Variants in MTSS1 observed in about 807,000 individuals in gnomAD.
MTSS1 encodes the protein protein MTSS 1.
Under a neutral mutation model 79.0 loss-of-function variants are expected in MTSS1, and 18 were observed. The ratio of observed to expected loss-of-function variants is 0.23; its 90% confidence interval spans 0.16 to 0.34. The LOEUF (loss-of-function observed/expected upper bound fraction) is 0.34, where lower values mean the gene tolerates loss of function less well. Among genes scored for constraint, MTSS1 ranks in the 10% least tolerant of loss-of-function variants. The probability of loss-of-function intolerance (pLI) is 1.00; values close to 1 mark genes in which losing one functional copy is unlikely to be tolerated. For synonymous variants in MTSS1, 341 were observed against 368.6 expected (o/e 0.93, Z 0.86); for missense variants, 815 against 986.2 (o/e 0.83, Z 2.33).
intron 3 of MTSS1, among the ~76,000 whole-genome samples, chr8:124,687,401 T>C (rs922547890): frequency 1.3e-5 from 2 of 152,144 alleles, no homozygotes; most frequent in Non-Finnish European, 2.9e-5. Context: ...TAAATCGTAT[T>C]ATCCAAATGA....
chr8:124,585,429 T>C (rs897183615), intron 5 of MTSS1, among the ~76,000 whole-genome samples: 3 of 152,114 alleles, frequency 2.0e-5, no homozygotes, highest in Admixed American at 6.5e-5. Flanking sequence ...CTTTTTTTTT[T>C]TTTAAGACAG....
intron 3 of MTSS1, among the ~76,000 whole-genome samples, chr8:124,592,613 A>G (rs192407930): frequency 3.9e-5 from 6 of 152,346 alleles, no homozygotes; most frequent in Admixed American, 3.3e-4. Context: ...TTGCAAAACC[A>G]TCAAGTTTCT....
At chr8:124,665,816 G>A (rs1822955878) in intron 3 of MTSS1, among the ~76,000 whole-genome samples, 1 of 149,332 alleles carries the variant, frequency 6.7e-6, no homozygotes, top group Non-Finnish European at 1.5e-5. Context: ...GTGGTGAGCT[G>A]AGATTGTGCC....
intron 3 of MTSS1, among the ~76,000 whole-genome samples, chr8:124,652,919 C>G (rs1324810837): frequency 6.6e-6 from 1 of 152,192 alleles, no homozygotes; most frequent in East Asian, 1.9e-4. Context: ...TATCATCAAC[C>G]CGTGAAAGGT....
intron 3 of MTSS1, among the ~76,000 whole-genome samples, chr8:124,640,733 G>T (rs1206889350): frequency 6.6e-6 from 1 of 151,924 alleles, no homozygotes; most frequent in Non-Finnish European, 1.5e-5. Context: ...TAGTAGAGAT[G>T]GGGTTTCACC....
In MTSS1 at chr8:124,714,455, GTTGTTT is replaced by G. The variant is rs549638389; in HGVS notation, c.73-10270_73-10265del. On this transcript the variant is annotated intron_variant, in intron 1 of 13. Coordinates refer to ENST00000518547, the MANE Select transcript of MTSS1 (RefSeq NM_014751.6). ...GGTTAATTGCTCCTGAGTTTGCTCA[GTTGTTT>G]TTGTTTTTGTTTTTGTTTTGAGATG... is the stretch of plus-strand genomic sequence containing the variant. Among the ~76,000 whole-genome samples, 6 of 152,090 alleles carry G rather than the reference GTTGTTT, an allele frequency of 3.9e-5. No homozygotes were observed. The East Asian group carries it at 9.7e-4, about 25-fold the overall frequency.
At chr8:124,634,160 G>T (rs767283012) in intron 3 of MTSS1, among the ~76,000 whole-genome samples, 32 of 151,106 alleles carry the variant, frequency 2.1e-4, no homozygotes, top group Admixed American at 7.9e-4. Flanking sequence ...CCAGCTGGAG[G>T]ACAGTGATGT....
chr8:124,699,225 C>T (rs1829344972), intron 3 of MTSS1: 2 of 308,692 alleles, frequency 6.5e-6, no homozygotes, highest in Non-Finnish European at 6.0e-6. Flanking sequence ...CAACCAAAGG[C>T]ACAGCTCAAG....
intron 1 of MTSS1, among the ~76,000 whole-genome samples, chr8:124,705,963 G>A (rs1261220539): frequency 1.3e-5 from 2 of 152,206 alleles, no homozygotes; most frequent in Non-Finnish European, 2.9e-5. Context: ...ATCACGCCCA[G>A]TCAAGAACCA....
chr8:124,633,783 A>G (rs1013181813), intron 3 of MTSS1, among the ~76,000 whole-genome samples: 3 of 151,740 alleles, frequency 2.0e-5, no homozygotes, highest in Non-Finnish European at 4.4e-5. Flanking sequence ...AAAAAAAAAA[A>G]ACCAACAACA....
intron 1 of MTSS1, among the ~76,000 whole-genome samples, chr8:124,704,512 C>G (rs1157197165): frequency 6.6e-6 from 1 of 152,164 alleles, no homozygotes; most frequent in Non-Finnish European, 1.5e-5. Context: ...CACCCTGAAC[C>G]ACTTGTTCAT....
rs1358983155 is a variant in MTSS1 at position 124,551,217 on chromosome 8, A to G, written c.*1775T>C. 1 of 152,656 alleles carries G rather than the reference A, an allele frequency of 6.6e-6. No homozygotes were observed. The highest frequency in any genetic ancestry group is 2.4e-5 in the African/African-American group (1 of 41,460). The allele number at this position is 152,656 out of a possible 1,614,324, so 9.5% of individuals were successfully genotyped here. The stretch of plus-strand genomic sequence containing the variant: ...AGCGATTTCTGCTTTTGCAAAAACC[A>G]TCTCAAGCATCATATGCACAATGCA... On this transcript the variant is annotated 3_prime_UTR_variant, in exon 14 of 14. Coordinates refer to ENST00000518547, the MANE Select transcript of MTSS1 (RefSeq NM_014751.6).
At position 124,686,199 on chromosome 8, in the gene MTSS1, G is replaced by T. The variant is rs188192186; in HGVS notation, c.208+13327C>A. On this transcript the variant is annotated intron_variant, in intron 3 of 13. Transcript: ENST00000518547. ...ACACAGCTGTGAGCAGGCAGAGGGG[G>T]CCTGCAGCCGCCTCCCCATCCAGCT... Among the ~76,000 whole-genome samples the T allele has an allele frequency of 1.6e-4, 25 of 152,300 alleles. No homozygotes were observed. The East Asian group carries it at 4.4e-3, about 27-fold the overall frequency.
chr8:124,627,647 C>T (rs1264582337), intron 3 of MTSS1, among the ~76,000 whole-genome samples: 1 of 152,174 alleles, frequency 6.6e-6, no homozygotes, highest in Non-Finnish European at 1.5e-5. Context: ...ATAGACTAAG[C>T]AGCCCTGGGA....
chr8:124,704,293 A>G, intron 1 of MTSS1, 102 bp from the exon 2 acceptor site: 2 of 1,012,196 alleles, frequency 2.0e-6, no homozygotes, highest in Non-Finnish European at 3.1e-6. Flanking sequence ...CAATCTGTGT[A>G]TGTTCTCTTC....
chr8:124,690,935 G>C (rs1023167855), intron 3 of MTSS1, among the ~76,000 whole-genome samples: 1 of 152,068 alleles, frequency 6.6e-6, no homozygotes, highest in Non-Finnish European at 1.5e-5. Flanking sequence ...TATAGTATGA[G>C]TTGTAAAAAT....
intron 3 of MTSS1, among the ~76,000 whole-genome samples, chr8:124,598,432 G>A (rs748845517): frequency 6.6e-6 from 1 of 152,142 alleles, no homozygotes; most frequent in East Asian, 1.9e-4. Flanking sequence ...TCCCCAGGGG[G>A]CAAACTCGTC....
chr8:124,572,679 C>A (rs953830001), intron 6 of MTSS1, among the ~76,000 whole-genome samples: 5 of 152,048 alleles, frequency 3.3e-5, no homozygotes, highest in African/African-American at 1.2e-4. Context: ...TAATGTCTCA[C>A]CCCAGACTGC....
At chr8:124,615,106 C>T (rs940987230) in intron 3 of MTSS1, among the ~76,000 whole-genome samples, 18 of 152,160 alleles carry the variant, frequency 1.2e-4, no homozygotes, top group African/African-American at 3.1e-4. Context: ...GAGAACAGTG[C>T]GTGCCTGGAG....
Sources: gnomAD v4.1 joint callset for allele counts (sites outside exome capture counted in the v4.1 genomes callset) on GRCh38, gnomAD v4.1.1 for gene constraint, MANE v1.5 for transcripts, NCBI Gene and HGNC (gene_info 2026-07-23, HGNC 2026-07-21) for gene names.